The following DPP6 variants were observed in gnomAD, a reference collection of about 807,000 sequenced individuals.
DPP6 encodes the protein A-type potassium channel modulatory protein DPP6.
Under a neutral mutation model 122.6 loss-of-function variants are expected in DPP6, and 69 were observed. The observed-to-expected ratio is 0.56, with a 90% confidence interval of 0.46 to 0.69. The LOEUF is 0.69. Among genes scored for constraint, DPP6 ranks in the 30% least tolerant of loss-of-function variants. The pLI, the probability that DPP6 is intolerant of heterozygous loss-of-function variation, is 0.00. For missense variants in DPP6, 928 were observed against 1,116.9 expected (o/e 0.83, Z 2.41); for synonymous variants, 418 against 433.1 (o/e 0.97, Z 0.43).
chr7:153,873,855 G>A, the DPP6 span, among the ~76,000 whole-genome samples: 5 of 152,160 alleles, frequency 3.3e-5, no homozygotes, highest in Admixed American at 6.5e-5. Flanking sequence ...ATATAGGGGT[G>A]GCATTCACTC....
At chr7:154,172,470 G>A (rs1450127800) in intron 1 of DPP6, among the ~76,000 whole-genome samples, 3 of 152,174 alleles carry the variant, frequency 2.0e-5, no homozygotes, top group Non-Finnish European at 2.9e-5. Flanking sequence ...GCATAGATCT[G>A]CTTGTTGAAA....
At chr7:154,720,157 G>A (rs921916564) in intron 7 of DPP6, among the ~76,000 whole-genome samples, 1 of 152,202 alleles carries the variant, frequency 6.6e-6, no homozygotes, top group African/African-American at 2.4e-5. Context: ...CTGGATAGAT[G>A]CCAACGAAAA....
chr7:154,621,006 G>C (rs561106745), intron 5 of DPP6, among the ~76,000 whole-genome samples: 1 of 152,274 alleles, frequency 6.6e-6, no homozygotes, highest in African/African-American at 2.4e-5. Flanking sequence ...GAACTGTATG[G>C]ACATTTATAG....
intron 16 of DPP6, chr7:154,838,241 T>G (rs572032408): frequency 6.6e-6 from 1 of 152,358 alleles, no homozygotes; most frequent in South Asian, 2.1e-4. Context: ...ATTCACAGAA[T>G]GTTAGAGCAG....
chr7:154,112,644 C>CA (rs1806672380), intron 1 of DPP6, among the ~76,000 whole-genome samples: 1 of 143,006 alleles, frequency 7.0e-6, no homozygotes, highest in Non-Finnish European at 1.5e-5. Context: ...GACTCCATCT[C>CA]AAAAAAAGAA....
intron 3 of DPP6, among the ~76,000 whole-genome samples, chr7:154,495,358 A>G (rs1824637374): frequency 6.8e-6 from 1 of 146,030 alleles, no homozygotes; most frequent in Non-Finnish European, 1.5e-5. Context: ...AAAGACATGT[A>G]TATGTGTTTG....
chr7:154,544,692 A>G (rs1829022173), intron 4 of DPP6, among the ~76,000 whole-genome samples: 4 of 152,162 alleles, frequency 2.6e-5, no homozygotes, highest in Non-Finnish European at 5.9e-5. Context: ...CCGGTTGTGC[A>G]AGTTCTGAAT....
intron 1 of DPP6, among the ~76,000 whole-genome samples, chr7:153,936,423 G>A (rs1315236974): frequency 1.3e-5 from 2 of 152,086 alleles, no homozygotes; most frequent in Admixed American, 6.6e-5. Flanking sequence ...GTCACCCCAC[G>A]GCCTCCACCT....
chr7:154,677,847 T>A (rs1157553333), intron 7 of DPP6, among the ~76,000 whole-genome samples: 2 of 152,006 alleles, frequency 1.3e-5, no homozygotes, highest in Non-Finnish European at 2.9e-5. Context: ...CCAGGCCACC[T>A]CCTCAGCCTC....
chr7:154,095,099 TG>T (rs1421138574), intron 1 of DPP6: 1 of 151,876 alleles, frequency 6.6e-6, no homozygotes, highest in Non-Finnish European at 1.5e-5. Context: ...GTGAAGAGAA[TG>T]GGGGGTTAAT....
At chr7:154,428,533 AAC>A (rs1412070028) in intron 1 of DPP6, among the ~76,000 whole-genome samples, 10 of 152,198 alleles carry the variant, frequency 6.6e-5, no homozygotes, top group Non-Finnish European at 1.2e-4. Context: ...TTATATCAAA[AAC>A]ACACCTGCAC....
At chr7:154,522,064 C>T (rs1237405249) in intron 3 of DPP6, among the ~76,000 whole-genome samples, 4 of 152,044 alleles carry the variant, frequency 2.6e-5, no homozygotes, top group African/African-American at 7.2e-5. Flanking sequence ...CCCGGGTTCA[C>T]GCCACTCTCC....
chr7:154,120,137 G>A (rs1283486919), intron 1 of DPP6, among the ~76,000 whole-genome samples: 2 of 152,108 alleles, frequency 1.3e-5, no homozygotes, highest in Non-Finnish European at 2.9e-5. Context: ...CCAGGTGGGA[G>A]GTGATGTGTT....
intron 10 of DPP6, among the ~76,000 whole-genome samples, chr7:154,776,236 A>ATAGATAGATAG (rs1468612932): frequency 9.8e-5 from 4 of 40,694 alleles, no homozygotes; most frequent in Non-Finnish European, 1.6e-4. Context: ...TAGATAGATA[A>ATAGATAGATAG]ACAGATACAT....
intron 1 of DPP6, among the ~76,000 whole-genome samples, chr7:154,244,825 A>T (rs1244339916): frequency 1.3e-5 from 2 of 152,200 alleles, no homozygotes; most frequent in African/African-American, 4.8e-5. Context: ...ACAGAAATAT[A>T]TGAGTATAGG....
At chr7:153,925,020 T>G (rs1189359326) in intron 1 of DPP6, among the ~76,000 whole-genome samples, 1 of 152,160 alleles carries the variant, frequency 6.6e-6, no homozygotes, top group East Asian at 1.9e-4. Flanking sequence ...GGGCTGTGGG[T>G]CTTCCAGGGC....
chr7:154,180,799 T>C (rs1422086774), intron 1 of DPP6, among the ~76,000 whole-genome samples: 2 of 152,170 alleles, frequency 1.3e-5, no homozygotes, highest in Non-Finnish European at 2.9e-5. Flanking sequence ...CAGTTTCTTG[T>C]GATGCAAGTT....
chr7:154,653,392 A>AT (rs1422169771), intron 6 of DPP6, among the ~76,000 whole-genome samples: 1 of 152,192 alleles, frequency 6.6e-6, no homozygotes, highest in Non-Finnish European at 1.5e-5. Flanking sequence ...TAAATGATAG[A>AT]TAGATGATAG....
intron 18 of DPP6, 97 bp downstream of exon 18, chr7:154,868,190 A>T: frequency 1.4e-6 from 2 of 1,460,318 alleles, no homozygotes; most frequent in Admixed American, 2.3e-5. Flanking sequence ...TGCAAGGAAG[A>T]CTCCCCAAGC....
Sources: allele counts gnomAD v4.1 joint callset (sites outside exome capture counted in the v4.1 genomes callset), GRCh38; gene constraint gnomAD v4.1.1; transcripts MANE v1.5; gene names NCBI Gene and HGNC (gene_info 2026-07-23, HGNC 2026-07-21).